The following CDKL1 variants were observed in gnomAD, a reference collection of about 807,000 sequenced individuals.
CDKL1 encodes cyclin-dependent kinase-like 1.
CDKL1 carries 41 observed loss-of-function variants against 42.0 expected under a neutral mutation model. The ratio of observed to expected loss-of-function variants is 0.98; its 90% CI spans 0.76 to 1.27. The LOEUF (loss-of-function observed/expected upper bound fraction) is 1.27, where lower values mean the gene tolerates loss of function less well. CDKL1 is among the 50% of genes most tolerant of loss of function. The pLI is 0.00. For synonymous variants in CDKL1, 153 were observed against 158.6 expected, an observed-to-expected ratio of 0.96 and a Z score of 0.26; for missense variants, 394 against 428.4, an observed-to-expected ratio of 0.92 and a Z score of 0.71.
At chr14:50,335,469 A>C in intron 7 of CDKL1, 1 of 1,536,070 alleles carries the variant, frequency 6.5e-7, no homozygotes, top group Non-Finnish European at 8.7e-7. Flanking sequence ...CCTGCTGTTT[A>C]AACAGTCTCC....
At chr14:50,397,054 T>C (rs1024016538), upstream of CDKL1, 14 of 1,320,986 alleles carry the variant, frequency 1.1e-5, no homozygotes, top group African/African-American at 1.5e-4. Context: ...GGAGCTGTCC[T>C]GACCGCGGGC....
chr14:50,338,924 T>G, intron 7 of CDKL1, 23 bp downstream of exon 7: 1 of 1,482,252 alleles, frequency 6.7e-7, no homozygotes, highest in Non-Finnish European at 9.4e-7. Context: ...CCTACAGAGC[T>G]CTCTCCAAAA....
intron 2 of CDKL1, among the ~76,000 whole-genome samples, chr14:50,373,115 T>C (rs946119481): frequency 2.0e-5 from 3 of 152,104 alleles, no homozygotes; most frequent in African/African-American, 7.2e-5. Context: ...AACCTGTAGA[T>C]TGCTTTGGGT....
intron 6 of CDKL1, among the ~76,000 whole-genome samples, chr14:50,339,818 G>A (rs896472318): frequency 6.6e-6 from 1 of 152,118 alleles, no homozygotes; most frequent in African/African-American, 2.4e-5. Flanking sequence ...CTTGAAGAGG[G>A]ATTTTGTTCA....
Position 50,326,493 on chromosome 14 carries a change from T to G in CDKL1, c.*3581A>C, listed in dbSNP as rs1005913800. On this transcript the variant is annotated 3_prime_UTR_variant, in exon 10 of 10. Coordinates refer to ENST00000395834, the MANE Select transcript of CDKL1 (RefSeq NM_004196.7). ...TCAATTATGCAAAGTGGTCAGTGGT[T>G]GTTGAAGCATGCATTGCTTCAACAG... The G allele has an allele frequency of 4.1e-6, 4 of 985,418 alleles. No homozygotes were observed. Among genetic ancestry groups the G allele is most frequent in the Non-Finnish European group, 3.6e-6 (3 of 829,892 alleles). The allele number at this position is 985,418 out of a possible 1,614,324, so 61.0% of individuals were successfully genotyped here.
At chr14:50,363,374 C>G (rs2034339581) in intron 2 of CDKL1, 1 of 158,812 alleles carries the variant, frequency 6.3e-6, no homozygotes, top group African/African-American at 2.4e-5. Context: ...TAACATTCTC[C>G]AAACATAGTA....
Position 50,326,419 on chromosome 14 carries a change from T to G in CDKL1, c.*3655A>C. The G allele has an allele frequency of 1.0e-6, 1 of 973,764 alleles. No homozygotes were observed. Among genetic ancestry groups the G allele is most frequent in the East Asian group, 1.1e-4 (1 of 8,746 alleles). The allele number at this position is 973,764 out of a possible 1,614,324, so 60.3% of individuals were successfully genotyped here. Reference sequence around the variant, plus strand: ...AGTTAGTGAAGCATACTACCATAAATGCACAATTATGAAAAATTAGAAGCT... The same window carrying G: ...AGTTAGTGAAGCATACTACCATAAAGGCACAATTATGAAAAATTAGAAGCT... On this transcript the variant is annotated 3_prime_UTR_variant, in exon 10 of 10. Transcript: ENST00000395834.
In CDKL1 at chr14:50,329,312, C is replaced by T. The variant is rs1347412048; in HGVS notation, c.*762G>A. On this transcript the variant is annotated 3_prime_UTR_variant, in exon 10 of 10. Transcript: ENST00000395834. ...CAAAGCCTGTAGGTCTTGCTCTACC[C>T]TTTGACTGCCTTAATCAGCTGCCGA... 6.6e-6 allele frequency: 1 copy of T among 152,106 alleles called. No individual in the cohort carries two copies. The highest frequency in any genetic ancestry group is 1.9e-4 in the East Asian group (1 of 5,198). 9.4% of individuals were successfully genotyped at this position (152,106 alleles called of 1,614,324 possible).
chr14:50,353,000 T>C (rs2033948341), intron 3 of CDKL1, among the ~76,000 whole-genome samples: 1 of 152,252 alleles, frequency 6.6e-6, no homozygotes, highest in African/African-American at 2.4e-5. Flanking sequence ...GCTGTTAAAC[T>C]GAGATTGCTT....
rs116061309 is a variant in CDKL1, at chr14:50,348,861, A to G, written c.291-3803T>C. ...TTTTAAATACCATTAATATCCTCAG[A>G]GAGAACAGGAAAGCTGTTGTATCCA... is the stretch of plus-strand genomic sequence containing the variant. On this transcript the variant is annotated intron_variant, in intron 3 of 9. Coordinates refer to ENST00000395834, the MANE Select transcript of CDKL1 (RefSeq NM_004196.7). 7.3e-3 allele frequency among the ~76,000 whole-genome samples: 1,111 copies of G among 152,350 alleles called. 22 individuals carry two copies. The highest frequency in any genetic ancestry group is 0.026 in the African/African-American group (1,073 of 41,584).
chr14:50,333,749 T>TA (rs2033098492), intron 8 of CDKL1: 1 of 152,194 alleles, frequency 6.6e-6, no homozygotes, highest in Non-Finnish European at 1.5e-5. Context: ...AGGTAACAGT[T>TA]ACATTATCAT....
In CDKL1 at chr14:50,342,138, G is replaced by C; in HGVS notation, c.448C>G (p.Leu150Val). ...AGAAAATGTCAATACTCACTCAAAA[G>C]CCGAGCAAATCCAAAGTCACAAAGC... is the stretch of plus-strand genomic sequence containing the variant. ...IKLCDFGFARLLTGPSDYYTD... is the reference protein window; with the variant it reads ...IKLCDFGFARVLTGPSDYYTD... Residue 150 changes from leucine to valine, a missense_variant, in exon 5 of 10, where the codon CTT becomes GTT. Physicochemically the swap from Leu to Val is conservative, Grantham distance 32. Coordinates refer to ENST00000395834, the MANE Select transcript of CDKL1 (RefSeq NM_004196.7). The C allele has an allele frequency of 3.1e-6, 5 of 1,613,782 alleles. No individual in the cohort carries two copies. The highest frequency in any genetic ancestry group is 4.2e-6 in the Non-Finnish European group (5 of 1,179,806).
intron 2 of CDKL1, chr14:50,378,030 G>A (rs1179429854): frequency 1.4e-6 from 1 of 733,856 alleles, no homozygotes; most frequent in Non-Finnish European, 1.9e-6. Context: ...TCAGGGCTAT[G>A]GTGAGAAAAG....
At chr14:50,343,440 T>A (rs3783416) in intron 4 of CDKL1, among the ~76,000 whole-genome samples, 8 of 152,038 alleles carry the variant, frequency 5.3e-5, no homozygotes, top group African/African-American at 1.9e-4. Flanking sequence ...AAATTTGGGG[T>A]AAATAAAACA....
intron 2 of CDKL1, chr14:50,378,235 G>A (rs1566604375): frequency 1.3e-5 from 18 of 1,366,504 alleles, no homozygotes; most frequent in Non-Finnish European, 1.8e-5. Flanking sequence ...GGGGATGCCT[G>A]TCCTCCTTAG....
At chr14:50,335,597 A>G (rs1489115400) in intron 7 of CDKL1, 34 of 1,534,496 alleles carry the variant, frequency 2.2e-5, no homozygotes, top group Non-Finnish European at 2.7e-5. Flanking sequence ...CAGGCAGACA[A>G]ACAGGCCAGT....
intron 4 of CDKL1, among the ~76,000 whole-genome samples, chr14:50,344,673 T>C (rs187258614): frequency 3.5e-4 from 53 of 152,144 alleles, no homozygotes; most frequent in Admixed American, 1.4e-3. Flanking sequence ...GGTTTTGCCA[T>C]GTTGTCCAGG....
intron 2 of CDKL1, among the ~76,000 whole-genome samples, chr14:50,361,429 T>C (rs1278390499): frequency 6.6e-6 from 1 of 152,216 alleles, no homozygotes; most frequent in Non-Finnish European, 1.5e-5. Context: ...TATAACAAAA[T>C]ACCTGAGACT....
intron 2 of CDKL1, chr14:50,378,417 G>A (rs753575132): frequency 6.6e-6 from 9 of 1,366,334 alleles, no homozygotes; most frequent in Non-Finnish European, 8.8e-6. Context: ...GGCCGTGATA[G>A]TAGTAAAATG....
Sources: allele counts gnomAD v4.1 joint callset (sites outside exome capture counted in the v4.1 genomes callset), GRCh38; gene constraint gnomAD v4.1.1; transcripts MANE v1.5; gene names NCBI Gene and HGNC (gene_info 2026-07-23, HGNC 2026-07-21).